Variants in CES4A observed in about 807,000 individuals in gnomAD.
CES4A encodes the protein carboxylesterase 4A, also known as carboxylesterase 6.
A neutral mutation model predicts 65.4 loss-of-function variants in CES4A; 48 were observed. That is an observed-to-expected ratio of 0.73 (90% confidence interval 0.58 to 0.93). The LOEUF is 0.93. Ranked by LOEUF, CES4A falls within the 40% of genes least tolerant of loss-of-function variation. CES4A has a pLI of 0.00. For synonymous variants in CES4A, 247 were observed against 281.8 expected (o/e 0.88, Z 1.24); for missense variants, 685 against 728.5 (o/e 0.94, Z 0.69).
At position 67,001,241 on chromosome 16, in the gene CES4A, G is replaced by T; in HGVS notation, c.537-67G>T. 6.7e-7 allele frequency: 1 copy of T among 1,497,342 alleles called. No individual in the cohort carries two copies. Among genetic ancestry groups the T allele is most frequent in the South Asian group, 1.3e-5 (1 of 76,990 alleles). The allele number at this position is 1,497,342 out of a possible 1,614,324, so 92.8% of individuals were successfully genotyped here. ...GGCTGGGCTGGGTGGGGGAAGCCCA[G>T]GAGGGCAGCCCAACGCGCCCCGACT... is the stretch of plus-strand genomic sequence containing the variant. On this transcript the variant is annotated intron_variant, in intron 4 of 13. Transcript: ENST00000648724. This position sits in a 1 kb window ranked among gnomAD's most constrained non-coding sequence, Gnocchi z 4.1.
chr16:66,991,984 T>G (rs763038567), intron 1 of CES4A, among the ~76,000 whole-genome samples: 12 of 151,700 alleles, frequency 7.9e-5, no homozygotes, highest in Non-Finnish European at 1.6e-4. Context: ...TGAGGTGAGA[T>G]AATTTAAAGT....
rs752149325 is a variant in CES4A, at chr16:67,003,106, G to A, written c.727G>A (p.Ala243Thr). 6.2e-7 allele frequency: 1 copy of A among 1,614,110 alleles called. No homozygotes were observed. The highest frequency in any genetic ancestry group is 1.1e-5 in the South Asian group (1 of 91,084). The change falls in exon 6 of 14, where the codon GCC (alanine) becomes ACC (threonine). Residue 243 changes from alanine to threonine, a missense_variant. Transcript: ENST00000648724. This position sits in a 1 kb window ranked among gnomAD's most constrained non-coding sequence, Gnocchi z 4.2. Reference sequence around the variant, plus strand: ...CCTAGCCTCGGGTCTCTTCCATCGGGCCATTTCCCAGAGTGGCACCGCGTT... The same window carrying A: ...CCTAGCCTCGGGTCTCTTCCATCGGACCATTTCCCAGAGTGGCACCGCGTT...
intron 1 of CES4A, among the ~76,000 whole-genome samples, chr16:66,994,425 G>T (rs1013792951): frequency 3.3e-5 from 5 of 150,160 alleles, no homozygotes; most frequent in African/African-American, 1.2e-4. Flanking sequence ...AGTAGAGACG[G>T]GGTTTCACCA....
In CES4A at chr16:66,991,385, ATCAGT is replaced by A. The variant is rs1964381190; in HGVS notation, c.58+2557_58+2561del. Among the ~76,000 whole-genome samples, 4 of 152,230 alleles carry A rather than the reference ATCAGT, an allele frequency of 2.6e-5. No individual in the cohort carries two copies. In the South Asian group the frequency reaches 8.3e-4, roughly 31 times the overall value. Reference sequence around the variant, plus strand: ...CCAAATTATTTTCCCAAGGCATTGTATCAGTTTATCCTCCACCAACAGTATATGTG... The same window carrying A: ...CCAAATTATTTTCCCAAGGCATTGTATTATCCTCCACCAACAGTATATGTG... On this transcript the variant is annotated intron_variant, in intron 1 of 13. Transcript: ENST00000648724.
chr16:66,991,645 C>T (rs1964398983), intron 1 of CES4A, among the ~76,000 whole-genome samples: 1 of 152,144 alleles, frequency 6.6e-6, no homozygotes, highest in African/African-American at 2.4e-5. Flanking sequence ...TGGCTAGGTG[C>T]CCCTTGGAGG....
rs190807535 is a variant in CES4A at position 66,990,939 on chromosome 16, T to C, written c.58+2109T>C. 2.6e-5 allele frequency among the ~76,000 whole-genome samples: 4 copies of C among 152,302 alleles called. No homozygotes were observed. The East Asian group carries it at 7.7e-4, about 29-fold the overall frequency. On this transcript the variant is annotated intron_variant, in intron 1 of 13. Transcript: ENST00000648724. ...GTCTTTGTTTTCATGTGTTTCTGAC[T>C]ATTTTCACAGGGGAGAGACCCAGAA...
chr16:67,000,771 C>T lies in CES4A; in HGVS notation c.394C>T (p.Gln132Ter), dbSNP rs1310064816. The stretch of plus-strand genomic sequence containing the variant: ...GCCGGCGCGCGCGCCCGGGGATCCC[C>T]AGCTGCCAGTGAGTGCCAGGTCTCC... Residue 132 changes from glutamine to a stop codon, truncating the protein, a stop_gained, in exon 3 of 14, where the codon CAG becomes TAG. Coordinates refer to ENST00000648724, the Ensembl canonical transcript of CES4A. LOFTEE classifies it high-confidence loss of function. This position sits in a 1 kb window ranked among gnomAD's most constrained non-coding sequence, Gnocchi z 4.2. 5 of 1,549,616 alleles carry T rather than the reference C, an allele frequency of 3.2e-6. No individual in the cohort carries two copies.
chr16:66,988,739 A>C, exon 1 of CES4A: 23 of 1,554,262 alleles, frequency 1.5e-5, no homozygotes, highest in Non-Finnish European at 1.9e-5. Flanking sequence ...CAGTGTTGCC[A>C]TCACTCCTGC....
rs570754506 is a variant in CES4A, at chr16:67,000,237, G to A, written c.261-401G>A. Among the ~76,000 whole-genome samples, 11 of 152,244 alleles carry A rather than the reference G, an allele frequency of 7.2e-5. No homozygotes were observed. The highest frequency in any genetic ancestry group is 1.6e-4 in the Non-Finnish European group (11 of 68,002). On this transcript the variant is annotated intron_variant, in intron 2 of 13. Transcript: ENST00000648724. The surrounding 1 kb of genome is among the most constrained non-coding windows in gnomAD (Gnocchi z 4.2). The stretch of plus-strand genomic sequence containing the variant: ...TACTGTCCAGACCAGAGACGGTGGT[G>A]GCCTTGACATCTCCCCAGAGATGGG...
intron 2 of CES4A, among the ~76,000 whole-genome samples, chr16:66,997,759 C>T (rs930136878): frequency 6.6e-6 from 1 of 152,018 alleles, no homozygotes; most frequent in African/African-American, 2.4e-5. Context: ...CACTTGAGCT[C>T]AGGAGTTTGA....
exon 9 of CES4A, chr16:67,004,219 C>G: frequency 1.2e-6 from 2 of 1,614,044 alleles, no homozygotes; most frequent in South Asian, 2.2e-5. Flanking sequence ...TTGGCTCTTG[C>G]CTTATGTAAG....
At chr16:67,005,290 T>C (rs1247503388) in exon 11 of CES4A, 13 of 1,614,056 alleles carry the variant, frequency 8.1e-6, no homozygotes, top group South Asian at 1.1e-5. Flanking sequence ...ACCTGGACAA[T>C]GTCAATGAGC....
chr16:66,988,945 C>G, intron 1 of CES4A, 115 bp downstream of exon 1: 5 of 1,271,486 alleles, frequency 3.9e-6, no homozygotes, highest in Non-Finnish European at 5.3e-6. Context: ...TTAGACAAGG[C>G]CTGGGCAAAT....
Position 67,003,217 on chromosome 16 carries a change from G to A in CES4A, c.796-39G>A. On this transcript the variant is annotated intron_variant, in intron 6 of 13. Transcript: ENST00000648724. This position sits in a 1 kb window ranked among gnomAD's most constrained non-coding sequence, Gnocchi z 4.2. ...CCCAGGGCTCAGCATGGAAGGGCAG[G>A]ATGGAAGCACCACTGAGCATCCTTT... 3.1e-6 allele frequency: 5 copies of A among 1,611,916 alleles called. No individual in the cohort carries two copies. The highest frequency in any genetic ancestry group is 4.2e-6 in the Non-Finnish European group (5 of 1,177,956).
chr16:67,006,591 A>T, intron 12 of CES4A, 72 bp downstream of exon 12: 2 of 1,565,106 alleles, frequency 1.3e-6, no homozygotes, highest in South Asian at 1.1e-5. Flanking sequence ...CCACCCCTCC[A>T]TTGGCTGGCC....
intron 1 of CES4A, among the ~76,000 whole-genome samples, chr16:66,995,127 T>C (rs939506052): frequency 5.3e-5 from 8 of 151,830 alleles, no homozygotes; most frequent in Admixed American, 1.3e-4. Context: ...CTGGCTAGCA[T>C]GGTGAAACAC....
exon 14 of CES4A, chr16:67,009,428 G>C: frequency 3.2e-6 from 1 of 308,114 alleles, no homozygotes; most frequent in East Asian, 5.4e-5. Context: ...CCAGCCTCAG[G>C]ACAACCTCTT....
chr16:66,997,900 T>C (rs765914701), intron 2 of CES4A, among the ~76,000 whole-genome samples: 7 of 149,762 alleles, frequency 4.7e-5, no homozygotes, highest in Non-Finnish European at 7.4e-5. Flanking sequence ...GAGGTTATGA[T>C]CGTGCCACTC....
intron 12 of CES4A, 28 bp downstream of exon 12, chr16:67,006,547 C>G: frequency 6.5e-7 from 1 of 1,543,958 alleles, no homozygotes. Context: ...GATACCCCAA[C>G]TGGGTGTCCA....
Sources: gnomAD v4.1 joint callset for allele counts (sites outside exome capture counted in the v4.1 genomes callset) on GRCh38, gnomAD v4.1.1 for gene constraint, Gnocchi (gnomAD v3.1) non-coding constraint, MANE v1.5 for transcripts, NCBI Gene and HGNC (gene_info 2026-07-23, HGNC 2026-07-21) for gene names.